The following KIAA1549L variants were observed in gnomAD, a reference collection of about 807,000 sequenced individuals.
KIAA1549L encodes the protein KIAA1549 like, also known as UPF0606 protein KIAA1549L.
In KIAA1549L, 88 loss-of-function variants were observed where a neutral mutation model predicts 160.7. The observed-to-expected ratio is 0.55, with a 90% CI of 0.46 to 0.65. KIAA1549L has a LOEUF of 0.65. Among genes scored for constraint, KIAA1549L ranks in the 30% least tolerant of loss-of-function variants. KIAA1549L has a pLI of 0.00. For missense variants in KIAA1549L, 2,258 were observed against 2,437.5 expected (o/e 0.93, Z 1.55); for synonymous variants, 950 against 976.7 (o/e 0.97, Z 0.51).
chr11:33,394,092 G>T (rs1019704115), intron 1 of KIAA1549L, among the ~76,000 whole-genome samples: 2 of 152,174 alleles, frequency 1.3e-5, no homozygotes, highest in South Asian at 2.1e-4. Flanking sequence ...AACACTTGTG[G>T]CTGGGCGCAA....
intron 1 of KIAA1549L, among the ~76,000 whole-genome samples, chr11:33,441,218 G>A (rs1336884115): frequency 2.0e-5 from 3 of 152,056 alleles, no homozygotes; most frequent in East Asian, 1.9e-4. Flanking sequence ...ATGGTTTCCA[G>A]CTTCATCCAT....
At chr11:33,385,201 C>A (rs969755353) in intron 1 of KIAA1549L, among the ~76,000 whole-genome samples, 5 of 152,094 alleles carry the variant, frequency 3.3e-5, no homozygotes, top group Non-Finnish European at 7.4e-5. Context: ...GTTCTAGCAC[C>A]ACTTATTGAA....
intron 6 of KIAA1549L, 118 bp downstream of exon 6, chr11:33,552,359 T>C: frequency 1.8e-6 from 2 of 1,111,982 alleles, no homozygotes; most frequent in South Asian, 3.1e-5. Flanking sequence ...AACTTTGTAC[T>C]TCAGACATTG....
intron 1 of KIAA1549L, among the ~76,000 whole-genome samples, chr11:33,462,082 C>T (rs143720173): frequency 1.6e-4 from 25 of 152,272 alleles, no homozygotes; most frequent in African/African-American, 4.8e-4. Flanking sequence ...AATCCGTAAG[C>T]GGATCACTAT....
chr11:33,634,445 A>G (rs1284828243), intron 16 of KIAA1549L, among the ~76,000 whole-genome samples: 1 of 152,174 alleles, frequency 6.6e-6, no homozygotes, highest in African/African-American at 2.4e-5. Flanking sequence ...GCCGTAGTAC[A>G]AGGCCACACT....
chr11:33,660,823 AG>A (rs1852234581), intron 19 of KIAA1549L, 39 bp from the exon 20 acceptor site: 1 of 1,605,560 alleles, frequency 6.2e-7, no homozygotes, highest in South Asian at 1.1e-5. Context: ...CCCTCAGACC[AG>A]CCTCTCTTAA....
intron 1 of KIAA1549L, among the ~76,000 whole-genome samples, chr11:33,408,333 C>T (rs1386738222): frequency 6.6e-6 from 1 of 152,004 alleles, no homozygotes; most frequent in African/African-American, 2.4e-5. Flanking sequence ...CGTCACATAG[C>T]ATCTGCGTGA....
At chr11:33,471,327 C>T (rs1277475740) in intron 1 of KIAA1549L, among the ~76,000 whole-genome samples, 1 of 151,948 alleles carries the variant, frequency 6.6e-6, no homozygotes, top group Non-Finnish European at 1.5e-5. Context: ...CCCCATGTCA[C>T]CCTTGATGGT....
At chr11:33,407,474 G>A (rs958017422) in intron 1 of KIAA1549L, among the ~76,000 whole-genome samples, 1 of 152,064 alleles carries the variant, frequency 6.6e-6, no homozygotes, top group African/African-American at 2.4e-5. Context: ...GCAAGCCTGC[G>A]AGTAGCTGGG....
At chr11:33,409,985 G>A (rs900380497) in intron 1 of KIAA1549L, among the ~76,000 whole-genome samples, 1 of 151,962 alleles carries the variant, frequency 6.6e-6, no homozygotes, top group African/African-American at 2.4e-5. Flanking sequence ...TTTTTTTTCT[G>A]ACGTTTCTCT....
At chr11:33,448,150 A>G (rs1422428530) in intron 1 of KIAA1549L, among the ~76,000 whole-genome samples, 1 of 152,148 alleles carries the variant, frequency 6.6e-6, no homozygotes, top group East Asian at 1.9e-4. Flanking sequence ...ATGTGGGTAT[A>G]CATGTGCCAT....
chr11:33,458,796 CTG>C (rs1472136814), intron 1 of KIAA1549L, among the ~76,000 whole-genome samples: 1 of 152,196 alleles, frequency 6.6e-6, no homozygotes, highest in Non-Finnish European at 1.5e-5. Context: ...CATTCTGCTG[CTG>C]TGGTCAGGTT....
intron 13 of KIAA1549L, among the ~76,000 whole-genome samples, chr11:33,600,312 C>T (rs752286660): frequency 1.4e-4 from 21 of 152,244 alleles, no homozygotes; most frequent in East Asian, 1.9e-4. Context: ...AGTGAGCACA[C>T]GGAGTCAGAG....
chr11:33,482,285 T>C (rs1271353032), intron 1 of KIAA1549L, among the ~76,000 whole-genome samples: 2 of 151,988 alleles, frequency 1.3e-5, no homozygotes, highest in Admixed American at 6.6e-5. Context: ...GACACTTCTA[T>C]TTTTTTCTTC....
rs191436863 is a variant in KIAA1549L at position 33,556,929 on chromosome 11, A to G, written c.3856-2820A>G. Among the ~76,000 whole-genome samples, 360 of 152,386 alleles carry G rather than the reference A, an allele frequency of 2.4e-3. 2 individuals are homozygous for G. The highest frequency in any genetic ancestry group is 3.8e-3 in the Non-Finnish European group (259 of 68,044). ...TTAACTGGTCAAGTATAGTATATAC[A>G]GAGGCACCCACATTGCAAACTTTGT... On this transcript the variant is annotated intron_variant, in intron 6 of 20. Transcript: ENST00000658780.
chr11:33,578,739 T>C (rs1044707827), intron 10 of KIAA1549L, among the ~76,000 whole-genome samples: 10 of 152,204 alleles, frequency 6.6e-5, no homozygotes, highest in Non-Finnish European at 1.3e-4. Flanking sequence ...TAAAGCCACA[T>C]AGGGGTTTTC....
rs1194353287 is a variant in KIAA1549L, at chr11:33,614,529, A to AGGCTATAT, written c.5280-4004_5280-4003insGGCTATAT. Among the ~76,000 whole-genome samples, 20 of 39,170 alleles carry AGGCTATAT rather than the reference A, an allele frequency of 5.1e-4. 2 individuals are homozygous for AGGCTATAT. Among genetic ancestry groups the AGGCTATAT allele is most frequent in the Non-Finnish European group, 9.8e-4 (17 of 17,306 alleles). The allele number at this position is 39,170 out of a possible 152,430, so 25.7% of individuals were successfully genotyped here. A position where few individuals can be genotyped will look rare whatever the true frequency, so the allele number is the denominator to read the frequency against. On this transcript the variant is annotated intron_variant, in intron 15 of 20. Transcript: ENST00000658780. ...TCCTCTTGGGATCTGTGAGTGTAAC[A>AGGCTATAT]AGATATATATATATATATATATATA...
At chr11:33,400,823 A>G (rs1273665560) in intron 1 of KIAA1549L, among the ~76,000 whole-genome samples, 1 of 152,190 alleles carries the variant, frequency 6.6e-6, no homozygotes, top group African/African-American at 2.4e-5. Context: ...CTTATATGGC[A>G]TTTAATCTTC....
chr11:33,423,792 C>T (rs1196528761), intron 1 of KIAA1549L, among the ~76,000 whole-genome samples: 1 of 152,174 alleles, frequency 6.6e-6, no homozygotes, highest in Non-Finnish European at 1.5e-5. Context: ...CTTTGGGAGG[C>T]CAAGGCAGGA....
Sources: allele counts gnomAD v4.1 joint callset (sites outside exome capture counted in the v4.1 genomes callset), GRCh38; gene constraint gnomAD v4.1.1; transcripts MANE v1.5; gene names NCBI Gene and HGNC (gene_info 2026-07-23, HGNC 2026-07-21).